Variants in SAMMSON observed in about 807,000 individuals in gnomAD.
SAMMSON encodes survival associated mitochondrial melanoma specific oncogenic non-coding RNA.
chr3:70,020,125 C>G (rs2067005664), intron 3 of SAMMSON, among the ~76,000 whole-genome samples: 1 of 152,110 alleles, frequency 6.6e-6, no homozygotes, highest in Non-Finnish European at 1.5e-5. Flanking sequence ...ATATGAGGGA[C>G]TGGGCCGAGC....
intron 9 of SAMMSON, among the ~76,000 whole-genome samples, chr3:70,383,347 T>TA (rs3081020): frequency 0.11 from 15,759 of 144,554 alleles, 923 homozygotes; most frequent in African/African-American, 0.13. Flanking sequence ...AAAATAAAAA[T>TA]AAAAAAAAAA....
At position 70,071,735 on chromosome 3, in the gene SAMMSON, C is replaced by T. The variant is rs1057043903; in HGVS notation, n.507+170C>T. 16 of 152,120 alleles carry T rather than the reference C, an allele frequency of 1.1e-4. No individual in the cohort carries two copies. The East Asian group carries it at 3.1e-3, about 29-fold the overall frequency. 9.4% of individuals were successfully genotyped at this position (152,120 alleles called of 1,614,324 possible). A position where few individuals can be genotyped will look rare whatever the true frequency, so the allele number is the denominator to read the frequency against. ...CAACCTTTGCTAAACAAAGATATGT[C>T]ATCATGCTGGGGACACTCATGGATT... On this transcript the variant is annotated intron_variant and non_coding_transcript_variant, in intron 4 of 9. Coordinates refer to ENST00000642114, the Ensembl canonical transcript of SAMMSON.
At chr3:70,080,173 T>A (rs1160806257) in intron 4 of SAMMSON, among the ~76,000 whole-genome samples, 1 of 152,170 alleles carries the variant, frequency 6.6e-6, no homozygotes, top group Non-Finnish European at 1.5e-5. Flanking sequence ...GAGCACACAA[T>A]ATCAGGAGGC....
At chr3:70,012,352 T>G (rs1350903095) in intron 1 of SAMMSON, 1 of 151,966 alleles carries the variant, frequency 6.6e-6, no homozygotes, top group Non-Finnish European at 1.5e-5. Flanking sequence ...TTGTTGATTA[T>G]CCAGGTGGGC....
intron 9 of SAMMSON, among the ~76,000 whole-genome samples, chr3:70,387,246 T>C (rs1257994186): frequency 3.3e-5 from 5 of 152,092 alleles, no homozygotes; most frequent in Admixed American, 2.0e-4. Flanking sequence ...AGTAGAATCA[T>C]GAATGTTGCA....
intron 4 of SAMMSON, among the ~76,000 whole-genome samples, chr3:70,213,645 A>C (rs1168100658): frequency 6.6e-6 from 1 of 152,120 alleles, no homozygotes; most frequent in Non-Finnish European, 1.5e-5. Flanking sequence ...TAGAGAAAAA[A>C]AGTTTTTTTC....
chr3:70,102,528 G>A (rs1299777380), intron 4 of SAMMSON, among the ~76,000 whole-genome samples: 1 of 152,216 alleles, frequency 6.6e-6, no homozygotes, highest in Non-Finnish European at 1.5e-5. Context: ...CTAGTCTCCA[G>A]TTCAGGCCAC....
chr3:70,383,430 C>T (rs780958563), intron 9 of SAMMSON, among the ~76,000 whole-genome samples: 3 of 151,502 alleles, frequency 2.0e-5, no homozygotes, highest in Non-Finnish European at 2.9e-5. Context: ...CTTTCATTTT[C>T]GTAAATGCTA....
intron 3 of SAMMSON, among the ~76,000 whole-genome samples, chr3:70,016,931 G>T (rs2066988720): frequency 6.6e-6 from 1 of 152,090 alleles, no homozygotes; most frequent in African/African-American, 2.4e-5. Context: ...GCTCTGTTCT[G>T]TTCCATTGGT....
intron 2 of SAMMSON, among the ~76,000 whole-genome samples, chr3:70,430,640 G>A (rs1701406444): frequency 1.3e-5 from 2 of 152,066 alleles, no homozygotes; most frequent in Non-Finnish European, 2.9e-5. Flanking sequence ...ATCTAACTTT[G>A]AAATTACTCG....
intron 7 of SAMMSON, among the ~76,000 whole-genome samples, chr3:70,306,856 ATGAT>A (rs1374297545): frequency 4.6e-5 from 7 of 152,170 alleles, no homozygotes; most frequent in Admixed American, 3.9e-4. Context: ...TTTAGGTCAT[ATGAT>A]TGGTGTCTTG....
At chr3:70,182,211 C>T (rs1245499214) in intron 4 of SAMMSON, among the ~76,000 whole-genome samples, 7 of 152,054 alleles carry the variant, frequency 4.6e-5, no homozygotes, top group Non-Finnish European at 7.4e-5. Context: ...ATCTCCCCAA[C>T]CCCCGCCCCC....
intron 2 of SAMMSON, among the ~76,000 whole-genome samples, chr3:70,420,397 C>T (rs1427114127): frequency 6.6e-5 from 10 of 152,122 alleles, no homozygotes; most frequent in Admixed American, 6.5e-4. Context: ...TAATATGATT[C>T]TGCTCTGAAT....
intron 6 of SAMMSON, among the ~76,000 whole-genome samples, chr3:70,254,985 C>A (rs1364189505): frequency 6.6e-6 from 1 of 152,118 alleles, no homozygotes; most frequent in African/African-American, 2.4e-5. Context: ...CAGTAATAGA[C>A]TGATGGACAT....
chr3:70,218,566 G>A (rs1461181133), intron 4 of SAMMSON, among the ~76,000 whole-genome samples: 1 of 152,062 alleles, frequency 6.6e-6, no homozygotes, highest in Non-Finnish European at 1.5e-5. Context: ...CTGCAGTAGT[G>A]GCCTGAGTAG....
intron 3 of SAMMSON, among the ~76,000 whole-genome samples, chr3:70,031,381 GGGGGAGATA>G (rs2067065620): frequency 6.6e-6 from 1 of 152,076 alleles, no homozygotes; most frequent in Non-Finnish European, 1.5e-5. Flanking sequence ...ACCAGGGTTT[GGGGGAGATA>G]GGGGGTATGG....
intron 4 of SAMMSON, chr3:70,125,555 G>T (rs1368832583): frequency 2.9e-6 from 2 of 696,422 alleles, no homozygotes; most frequent in Non-Finnish European, 5.2e-6. Flanking sequence ...GGATGCATCA[G>T]CTTCAGTAAC....
chr3:70,276,131 G>GT (rs1702023425), intron 6 of SAMMSON, among the ~76,000 whole-genome samples: 1 of 152,130 alleles, frequency 6.6e-6, no homozygotes, highest in African/African-American at 2.4e-5. Flanking sequence ...AGTTTTGCCA[G>GT]TTTTTTTCCT....
chr3:70,079,871 C>T (rs1457393913), intron 4 of SAMMSON, among the ~76,000 whole-genome samples: 1 of 152,200 alleles, frequency 6.6e-6, no homozygotes, highest in African/African-American at 2.4e-5. Context: ...AAGCCCCCAG[C>T]TGCTGTGAGT....
Sources: gnomAD v4.1 joint callset for allele counts (sites outside exome capture counted in the v4.1 genomes callset) on GRCh38, gnomAD v4.1.1 for gene constraint, MANE v1.5 for transcripts, NCBI Gene and HGNC (gene_info 2026-07-23, HGNC 2026-07-21) for gene names.